SGCB: variants seen among roughly 807,000 people sequenced by gnomAD.
SGCB encodes the protein sarcoglycan beta.
Under a neutral mutation model 27.3 loss-of-function variants are expected in SGCB, and 25 were observed. That is an observed-to-expected ratio of 0.92 (90% CI 0.67 to 1.28). SGCB has a LOEUF of 1.28. SGCB is among the 50% of genes most tolerant of loss of function. The probability of loss-of-function intolerance (pLI) is 0.00; values close to 1 mark genes in which losing one functional copy is unlikely to be tolerated. For synonymous variants in SGCB, 147 were observed against 133.5 expected, an observed-to-expected ratio of 1.10 and a Z score of -0.70; for missense variants, 436 against 402.1, an observed-to-expected ratio of 1.08 and a Z score of -0.72.
chr4:52,026,631 A>G (rs1039163734), intron 5 of SGCB, among the ~76,000 whole-genome samples: 5 of 152,272 alleles, frequency 3.3e-5, no homozygotes, highest in South Asian at 2.1e-4. Flanking sequence ...TGGCTTATAC[A>G]CTTTAGAACT....
intron 1 of SGCB, among the ~76,000 whole-genome samples, chr4:52,035,212 C>T (rs370787412): frequency 4.8e-4 from 73 of 152,324 alleles, no homozygotes; most frequent in African/African-American, 1.3e-3. Context: ...AAGCACTTTA[C>T]GCTTAAACAC....
intron 1 of SGCB, 107 bp downstream of exon 1, chr4:52,038,120 T>C (rs1420573425): frequency 2.7e-6 from 1 of 369,134 alleles, no homozygotes; most frequent in Non-Finnish European, 3.1e-6. Context: ...ACCCAGACCC[T>C]GCGGCCCGCG....
chr4:52,036,177 T>C (rs1212487823), intron 1 of SGCB, among the ~76,000 whole-genome samples: 2 of 152,084 alleles, frequency 1.3e-5, no homozygotes, highest in Non-Finnish European at 2.9e-5. Context: ...TCAGGGAAAG[T>C]TTCTAAGAAA....
intron 2 of SGCB, 114 bp from the exon 3 acceptor site, chr4:52,029,977 G>C: frequency 1.3e-6 from 1 of 788,924 alleles, no homozygotes; most frequent in Non-Finnish European, 2.2e-6. Flanking sequence ...TGTTTTATCA[G>C]TGAGGTAAAT....
rs1209926954 is a variant in SGCB, at chr4:52,038,077, C to T, written c.33+150G>A. The T allele has an allele frequency of 2.9e-4, 41 of 142,940 alleles. 2 individuals are homozygous for T. The highest frequency in any genetic ancestry group is 5.6e-4 in the Non-Finnish European group (37 of 65,734). 8.9% of individuals were successfully genotyped at this position (142,940 alleles called of 1,614,324 possible). ...GCATCCTCGGCGGGGCACAGCTCCT[C>T]CCGCCCCGCCCCGCCCCGATCGGCC... On this transcript the variant is annotated intron_variant, in intron 1 of 5. Coordinates refer to ENST00000381431, the MANE Select transcript of SGCB (RefSeq NM_000232.5).
chr4:52,029,028 C>A, intron 3 of SGCB, 107 bp from the exon 4 acceptor site: 1 of 795,828 alleles, frequency 1.3e-6, no homozygotes. Context: ...ATTTAAAAAC[C>A]CCAATAACAG....
At chr4:52,030,490 A>G (rs1737219658) in intron 2 of SGCB, among the ~76,000 whole-genome samples, 1 of 152,182 alleles carries the variant, frequency 6.6e-6, no homozygotes, top group Admixed American at 6.5e-5. Flanking sequence ...TCAGAATTTA[A>G]TACTTCATTT....
At chr4:52,024,694 G>A (rs1299867414) in intron 5 of SGCB, among the ~76,000 whole-genome samples, 1 of 151,954 alleles carries the variant, frequency 6.6e-6, no homozygotes, top group African/African-American at 2.4e-5. Context: ...GGGACGTGGT[G>A]GTGGGCACCT....
chr4:52,023,783 A>G lies in SGCB; in HGVS notation c.*174T>C, dbSNP rs1737013335. 1 of 597,948 alleles carries G rather than the reference A, an allele frequency of 1.7e-6. No homozygotes were observed. The highest frequency in any genetic ancestry group is 1.9e-5 in the African/African-American group (1 of 53,920). 37.0% of individuals were successfully genotyped at this position (597,948 alleles called of 1,614,324 possible). A position where few individuals can be genotyped will look rare whatever the true frequency, so the allele number is the denominator to read the frequency against. On this transcript the variant is annotated 3_prime_UTR_variant, in exon 6 of 6. Coordinates refer to ENST00000381431, the MANE Select transcript of SGCB (RefSeq NM_000232.5). Reference sequence around the variant, plus strand: ...AGATTAGTATAAATTAATAAAATGTATTAGAATTTAGGCTCTCTGAGAAGA... The same window carrying G: ...AGATTAGTATAAATTAATAAAATGTGTTAGAATTTAGGCTCTCTGAGAAGA...
At chr4:52,026,308 G>C (rs1270503765) in intron 5 of SGCB, among the ~76,000 whole-genome samples, 1 of 141,580 alleles carries the variant, frequency 7.1e-6, no homozygotes, top group African/African-American at 2.6e-5. Context: ...TCCCAGGCTG[G>C]AGTGCAGTGG....
chr4:52,034,249 G>A lies in SGCB; in HGVS notation c.34-609C>T, dbSNP rs184986427. The stretch of plus-strand genomic sequence containing the variant: ...CCGGAGGCTGAGGCAGGAGAATGGC[G>A]TGAACCCGGGAGGCGGAGCTTGCAG... On this transcript the variant is annotated intron_variant, in intron 1 of 5. Transcript: ENST00000381431. 5.0e-5 allele frequency among the ~76,000 whole-genome samples: 2 copies of A among 40,212 alleles called. 1 individual carries two copies. The highest frequency in any genetic ancestry group is 2.1e-4 in the Non-Finnish European group (2 of 9,344). 26.4% of individuals were successfully genotyped at this position (40,212 alleles called of 152,430 possible). A position where few individuals can be genotyped will look rare whatever the true frequency, so the allele number is the denominator to read the frequency against.
At chr4:52,032,580 A>G (rs1159333628) in intron 2 of SGCB, among the ~76,000 whole-genome samples, 4 of 152,220 alleles carry the variant, frequency 2.6e-5, no homozygotes, top group East Asian at 1.9e-4. Flanking sequence ...AAAAATTTAT[A>G]TATCTAATAT....
Position 52,034,281 on chromosome 4 carries a change from G to A in SGCB, c.34-641C>T, listed in dbSNP as rs225175. ...CGGGAGGCGGAGCTTGCAGTGAGCC[G>A]AGATCCCGCCACTGCACTCCAGCCT... On this transcript the variant is annotated intron_variant, in intron 1 of 5. Coordinates refer to ENST00000381431, the MANE Select transcript of SGCB (RefSeq NM_000232.5). Among the ~76,000 whole-genome samples, 77 of 37,334 alleles carry A rather than the reference G, an allele frequency of 2.1e-3. 3 individuals are homozygous for A. The highest frequency in any genetic ancestry group is 4.5e-3 in the Non-Finnish European group (44 of 9,854). 24.5% of individuals were successfully genotyped at this position (37,334 alleles called of 152,430 possible). A position where few individuals can be genotyped will look rare whatever the true frequency, so the allele number is the denominator to read the frequency against.
chr4:52,031,718 AT>A, intron 2 of SGCB: 1 of 263,966 alleles, frequency 3.8e-6, no homozygotes. Context: ...CATCTCTATC[AT>A]TTTTCAATTC....
At chr4:52,034,838 T>C (rs779073052) in intron 1 of SGCB, among the ~76,000 whole-genome samples, 2 of 152,182 alleles carry the variant, frequency 1.3e-5, no homozygotes, top group Non-Finnish European at 2.9e-5. Flanking sequence ...TTGCTGTTTT[T>C]ACTCTCCTAG....
At chr4:52,028,600 C>T (rs1040804709) in intron 4 of SGCB, 130 bp downstream of exon 4, 67 of 688,890 alleles carry the variant, frequency 9.7e-5, no homozygotes, top group Middle Eastern at 8.2e-4. Flanking sequence ...CGCGCCACTG[C>T]ACTCCAGCCT....
rs1315050781 is a variant in SGCB, at chr4:52,022,541, A to G, written c.*1416T>C. The G allele has an allele frequency of 6.6e-6, 1 of 152,224 alleles. No individual in the cohort carries two copies. Among genetic ancestry groups the G allele is most frequent in the Admixed American group, 6.5e-5 (1 of 15,282 alleles). The allele number at this position is 152,224 out of a possible 1,614,324, so 9.4% of individuals were successfully genotyped here. ...GAGGGTTATAAATAATTACAATGGG[A>G]TAGTAATATTAGGAGCAGAGATAAA... On this transcript the variant is annotated 3_prime_UTR_variant, in exon 6 of 6. Transcript: ENST00000381431.
Position 52,027,085 on chromosome 4 carries a change from T to C in SGCB, c.753+883A>G, listed in dbSNP as rs151103639. On this transcript the variant is annotated intron_variant, in intron 5 of 5. Coordinates refer to ENST00000381431, the MANE Select transcript of SGCB (RefSeq NM_000232.5). ...AAGTAAAACAACTACTTTTAAAAAG[T>C]ATTTTTCCCAGGAACTATGAAATTG... 8.6e-3 allele frequency among the ~76,000 whole-genome samples: 1,305 copies of C among 152,318 alleles called. 8 individuals carry two copies. The highest frequency in any genetic ancestry group is 0.015 in the South Asian group (73 of 4,830).
chr4:52,033,840 A>G (rs1373334263), intron 1 of SGCB, among the ~76,000 whole-genome samples, 200 bp from the exon 2 acceptor site: 1 of 152,216 alleles, frequency 6.6e-6, no homozygotes, highest in Non-Finnish European at 1.5e-5. Flanking sequence ...AGAAACTTCA[A>G]GGTCACTATC....
Sources: allele counts gnomAD v4.1 joint callset (sites outside exome capture counted in the v4.1 genomes callset), GRCh38; gene constraint gnomAD v4.1.1; transcripts MANE v1.5; gene names NCBI Gene and HGNC (gene_info 2026-07-23, HGNC 2026-07-21).